The following AFF2 variants were observed in gnomAD, a reference collection of about 807,000 sequenced individuals.
AFF2 encodes the protein ALF transcription elongation factor 2, also known as AF4/FMR2 family member 2.
In AFF2, 14 loss-of-function variants were observed where a neutral mutation model predicts 76.9. That is an observed-to-expected ratio of 0.18 (90% CI 0.12 to 0.28). The LOEUF is 0.28. Ranked by LOEUF, AFF2 falls within the 10% of genes least tolerant of loss-of-function variation. AFF2 has a pLI of 1.00. For missense variants in AFF2, 868 were observed against 1,001.1 expected (o/e 0.87, Z 1.79); for synonymous variants, 398 against 366.7 (o/e 1.09, Z -0.98).
At chrX:148,612,318 G>A (rs1557249607) in intron 1 of AFF2, among the ~76,000 whole-genome samples, 1 of 111,739 alleles carries the variant, frequency 8.9e-6, no homozygotes, top group Non-Finnish European at 1.9e-5. Flanking sequence ...TATTAACAAA[G>A]CCCTCTCTTC....
intron 3 of AFF2, among the ~76,000 whole-genome samples, chrX:148,746,077 T>A (rs2055418075): frequency 8.9e-6 from 1 of 111,811 alleles, no homozygotes; most frequent in Non-Finnish European, 1.9e-5. Context: ...AACGCCTGCA[T>A]AAGCAAGCAC....
At chrX:148,904,082 C>A in intron 8 of AFF2, 139 bp from the exon 9 acceptor site, 3 of 472,068 alleles carry the variant, frequency 6.4e-6, no homozygotes, top group Admixed American at 3.7e-5. Context: ...AGTCTCCAGT[C>A]TGCTTATCTA....
intron 3 of AFF2, among the ~76,000 whole-genome samples, chrX:148,705,604 A>G (rs2054874511): frequency 8.9e-6 from 1 of 111,930 alleles, no homozygotes; most frequent in African/African-American, 3.2e-5. Context: ...CTTAGGGAAC[A>G]ACGGAGTTTT....
At chrX:148,740,888 G>A (rs782297035) in intron 3 of AFF2, among the ~76,000 whole-genome samples, 1 of 111,950 alleles carries the variant, frequency 8.9e-6, no homozygotes, top group Non-Finnish European at 1.9e-5. Context: ...GTGGCTTCCT[G>A]TAAGCCAAAC....
chrX:148,763,509 G>T (rs182071256), intron 3 of AFF2, among the ~76,000 whole-genome samples: 1 of 110,202 alleles, frequency 9.1e-6, no homozygotes, highest in East Asian at 2.8e-4. Flanking sequence ...ATATGGCATG[G>T]TGACTCTAGT....
At chrX:148,950,796 T>G (rs1178390324) in intron 9 of AFF2, among the ~76,000 whole-genome samples, 1 of 112,176 alleles carries the variant, frequency 8.9e-6, no homozygotes, top group African/African-American at 3.2e-5. Flanking sequence ...TATATCTACT[T>G]ATAAGTATTG....
chrX:148,895,796 C>A (rs1313312693), intron 8 of AFF2, among the ~76,000 whole-genome samples: 1 of 110,990 alleles, frequency 9.0e-6, no homozygotes, highest in East Asian at 2.9e-4. Context: ...AGTGGAAGAA[C>A]CTGGCCTCTT....
At chrX:148,624,342 T>TA (rs2053901109) in intron 1 of AFF2, among the ~76,000 whole-genome samples, 1 of 111,680 alleles carries the variant, frequency 9.0e-6, no homozygotes, top group Non-Finnish European at 1.9e-5. Context: ...CAACATAACT[T>TA]AAAAAAAGCT....
intron 3 of AFF2, among the ~76,000 whole-genome samples, chrX:148,770,428 C>G (rs1217394696): frequency 8.9e-6 from 1 of 112,137 alleles, no homozygotes; most frequent in Non-Finnish European, 1.9e-5. Context: ...CAGGGTCCCA[C>G]ACACTTGAAA....
At chrX:148,693,430 C>A (rs1197116214) in intron 3 of AFF2, among the ~76,000 whole-genome samples, 2 of 112,084 alleles carry the variant, frequency 1.8e-5, no homozygotes, top group African/African-American at 6.5e-5. Context: ...ACACTTGGAA[C>A]ACACCATGGA....
At chrX:148,504,350 A>G (rs782106081) in intron 1 of AFF2, among the ~76,000 whole-genome samples, 1 of 106,642 alleles carries the variant, frequency 9.4e-6, no homozygotes, top group African/African-American at 3.8e-5. Flanking sequence ...CTTAAAAAAA[A>G]GAAAAGAAAA....
At chrX:148,897,745 G>T in intron 8 of AFF2, among the ~76,000 whole-genome samples, 1 of 110,525 alleles carries the variant, frequency 9.0e-6, no homozygotes, top group East Asian at 2.9e-4. Flanking sequence ...CATTTTATGA[G>T]GTGTGCCCCC....
intron 9 of AFF2, among the ~76,000 whole-genome samples, chrX:148,949,765 T>G (rs1557286422): frequency 8.9e-6 from 1 of 112,611 alleles, no homozygotes; most frequent in Admixed American, 9.4e-5. Context: ...TGTTAATTAT[T>G]TTTAGTATCA....
chrX:148,837,827 T>C, intron 5 of AFF2, 94 bp downstream of exon 5: 1 of 538,940 alleles, frequency 1.9e-6, no homozygotes, highest in Non-Finnish European at 3.2e-6. Flanking sequence ...GCCTTGGTCT[T>C]CTAGTGCCAT....
chrX:148,836,108 A>G (rs1168994494), intron 4 of AFF2, among the ~76,000 whole-genome samples: 1 of 112,434 alleles, frequency 8.9e-6, no homozygotes, highest in Non-Finnish European at 1.9e-5. Flanking sequence ...GTTTTGATGA[A>G]TACATGAGTA....
chrX:148,757,733 C>T (rs782568887), intron 3 of AFF2, among the ~76,000 whole-genome samples: 1 of 111,763 alleles, frequency 8.9e-6, no homozygotes, highest in Admixed American at 9.5e-5. Flanking sequence ...TGAGCACAAT[C>T]ATTGACTTAA....
chrX:148,985,944 AG>A (rs782525573), intron 19 of AFF2, among the ~76,000 whole-genome samples: 2 of 110,625 alleles, frequency 1.8e-5, no homozygotes, highest in African/African-American at 6.6e-5. Context: ...AGAGCATTGC[AG>A]TTGTAATTGT....
At chrX:148,984,547 G>A (rs996613856) in intron 19 of AFF2, among the ~76,000 whole-genome samples, 4 of 111,769 alleles carry the variant, frequency 3.6e-5, no homozygotes. Flanking sequence ...TTCATTTAAT[G>A]AGCACAAGGT....
chrX:148,633,262 G>A (rs868963787), intron 1 of AFF2, among the ~76,000 whole-genome samples: 10 of 111,657 alleles, frequency 9.0e-5, no homozygotes, highest in African/African-American at 2.9e-4. Flanking sequence ...AGAGATTACC[G>A]GGCCAACTTG....
Sources: gnomAD v4.1 joint callset for allele counts (sites outside exome capture counted in the v4.1 genomes callset) on GRCh38, gnomAD v4.1.1 for gene constraint, MANE v1.5 for transcripts, NCBI Gene and HGNC (gene_info 2026-07-23, HGNC 2026-07-21) for gene names.